Variants in ZNF616 observed in about 807,000 individuals in gnomAD.
The protein encoded by ZNF616 is zinc finger protein 616.
In ZNF616, 5 loss-of-function variants were observed where a neutral mutation model predicts 7.6. That is an observed-to-expected ratio of 0.66 (90% CI 0.34 to 1.38). The LOEUF (loss-of-function observed/expected upper bound fraction) is 1.38, where lower values mean the gene tolerates loss of function less well. Among genes scored for constraint, ZNF616 ranks in the 40% most tolerant of loss-of-function variants. The pLI is 0.04. For missense variants in ZNF616, 913 were observed against 948.3 expected, an observed-to-expected ratio of 0.96 and a Z score of 0.49; for synonymous variants, 319 against 317.2, an observed-to-expected ratio of 1.01 and a Z score of -0.06.
chr19:52,130,623 A>AAAC, intron 1 of ZNF616, 35 bp from the exon 2 acceptor site: 1 of 1,474,534 alleles, frequency 6.8e-7, no homozygotes, highest in Non-Finnish European at 9.2e-7. Flanking sequence ...TAATGCTTGG[A>AAAC]AACAACACAT....
rs2088792376 is a variant in ZNF616, at chr19:52,113,972, A to G, written c.*846T>C. On this transcript the variant is annotated 3_prime_UTR_variant, in exon 4 of 4. Coordinates refer to ENST00000600228, the MANE Select transcript of ZNF616 (RefSeq NM_178523.5). ...ACTCTTTCCATTTTGATGTTCGGGT[A>G]AAAACCTTAGCATGCACATTACATT... is the stretch of plus-strand genomic sequence containing the variant. 6.6e-6 allele frequency: 1 copy of G among 152,188 alleles called. No individual in the cohort carries two copies. The highest frequency in any genetic ancestry group is 2.1e-4 in the South Asian group (1 of 4,830). The allele number at this position is 152,188 out of a possible 1,614,324, so 9.4% of individuals were successfully genotyped here.
Position 52,115,891 on chromosome 19 carries a change from C to A in ZNF616, c.1273G>T (p.Ala425Ser). 1 of 1,614,112 alleles carries A rather than the reference C, an allele frequency of 6.2e-7. No homozygotes were observed. The highest frequency in any genetic ancestry group is 1.1e-5 in the South Asian group (1 of 91,078). ...CCAGTATGAATTCTCTGATGCACTG[C>A]AAGACTTGAACGTTTACTGAAGACC... is the stretch of plus-strand genomic sequence containing the variant. ...GKVFSKRSSLAVHQRIHTGQK... is the reference protein window; with the variant it reads ...GKVFSKRSSLSVHQRIHTGQK... The change falls in exon 4 of 4, where the codon GCA becomes TCA. Residue 425 changes from alanine (A) to serine (S), a missense_variant. Physicochemically the swap from Ala to Ser is moderately conservative, Grantham distance 99 (BLOSUM62 1). Coordinates refer to ENST00000600228, the MANE Select transcript of ZNF616 (RefSeq NM_178523.5).
chr19:52,126,461 G>C (rs1206870417), intron 2 of ZNF616, among the ~76,000 whole-genome samples: 1 of 152,148 alleles, frequency 6.6e-6, no homozygotes, highest in East Asian at 1.9e-4. Flanking sequence ...GTTGCAGTGA[G>C]CTGAGATCCC....
rs1376864118 is a variant in ZNF616 at position 52,131,233 on chromosome 19, A to C, written c.-76-645T>G. On this transcript the variant is annotated intron_variant, in intron 1 of 3. Transcript: ENST00000600228. ...CAGTGAGCCAAGATCAAGCCACTGC[A>C]CTCCAGCCTGGGCGACAGAGACTCT... is the stretch of plus-strand genomic sequence containing the variant. Among the ~76,000 whole-genome samples, 3 of 136,736 alleles carry C rather than the reference A, an allele frequency of 2.2e-5. No individual in the cohort carries two copies. In the Admixed American group the frequency reaches 2.5e-4, roughly 12 times the overall value. 89.7% of individuals were successfully genotyped at this position (136,736 alleles called of 152,430 possible).
Position 52,115,853 on chromosome 19 carries a change from G to GT in ZNF616, c.1310dup (p.Tyr437Ter). ...ACACCTTGCCACATTTATTGCATTT[G>GT]TAAGTTTTCTGTCCAGTATGAATTC... ...HQRIHTGQKT[Y>*]KCNKCGKVYS... The change falls in exon 4 of 4, where the codon TAC becomes TAAC. Residue 437 changes from tyrosine to a stop codon, truncating the protein, a stop_gained and frameshift_variant. Coordinates refer to ENST00000600228, the MANE Select transcript of ZNF616 (RefSeq NM_178523.5). LOFTEE classifies it low-confidence loss of function (END_TRUNC). 1.2e-6 allele frequency: 2 copies of GT among 1,614,022 alleles called. No homozygotes were observed. The highest frequency in any genetic ancestry group is 1.7e-6 in the Non-Finnish European group (2 of 1,179,986).
At chr19:52,125,961 AAACCTCTTCAAT>A (rs1184440472) in intron 2 of ZNF616, among the ~76,000 whole-genome samples, 1 of 152,202 alleles carries the variant, frequency 6.6e-6, no homozygotes, top group Non-Finnish European at 1.5e-5. Context: ...AGAAAGCAGC[AAACCTCTTCAAT>A]AGGGAGATGA....
At chr19:52,122,061 C>T (rs1416945843) in intron 3 of ZNF616, among the ~76,000 whole-genome samples, 2 of 147,802 alleles carry the variant, frequency 1.4e-5, no homozygotes, top group Admixed American at 6.7e-5. Context: ...GACTTGAAAG[C>T]AGACAGGAGA....
chr19:52,132,473 C>G (rs112125250), intron 1 of ZNF616, among the ~76,000 whole-genome samples: 1 of 152,034 alleles, frequency 6.6e-6, no homozygotes, highest in Non-Finnish European at 1.5e-5. Context: ...TAATCCCCAC[C>G]GTTACTGGTG....
At chr19:52,137,200 T>C (rs2089018775) in intron 1 of ZNF616, among the ~76,000 whole-genome samples, 3 of 151,238 alleles carry the variant, frequency 2.0e-5, no homozygotes. Flanking sequence ...GGGTGGATCA[T>C]GAGGTCAGGA....
intron 1 of ZNF616, among the ~76,000 whole-genome samples, chr19:52,134,942 C>T (rs2088994888): frequency 6.6e-6 from 1 of 152,160 alleles, no homozygotes; most frequent in Non-Finnish European, 1.5e-5. Context: ...GTAATCACCA[C>T]TGTCCTGGCA....
intron 3 of ZNF616, among the ~76,000 whole-genome samples, chr19:52,123,198 A>T (rs2088877631): frequency 6.6e-6 from 1 of 152,244 alleles, no homozygotes; most frequent in African/African-American, 2.4e-5. Context: ...TAAATAAATA[A>T]AAACAAAGTT....
rs146062154 is a variant in ZNF616 at position 52,114,769 on chromosome 19, A to G, written c.*49T>C. On this transcript the variant is annotated 3_prime_UTR_variant, in exon 4 of 4. Coordinates refer to ENST00000600228, the MANE Select transcript of ZNF616 (RefSeq NM_178523.5). Reference sequence around the variant, plus strand: ...AAGAGAAGGGGTAAATATACAAGGTATATCAGTAAGTAGGAATTATTCGGT... The same window carrying G: ...AAGAGAAGGGGTAAATATACAAGGTGTATCAGTAAGTAGGAATTATTCGGT... The G allele has an allele frequency of 1.9e-4, 292 of 1,522,602 alleles. 1 individual carries two copies. In the African/African-American group the frequency reaches 3.2e-3, roughly 16 times the overall value. The allele number at this position is 1,522,602 out of a possible 1,614,324, so 94.3% of individuals were successfully genotyped here.
rs759732762 is a variant in ZNF616, at chr19:52,116,844, T to C, written c.320A>G (p.Asn107Ser). The change falls in exon 4 of 4, where the codon AAT becomes AGT. Residue 107 changes from asparagine to serine, a missense_variant. Asn to Ser is a conservative substitution (Grantham distance 46, BLOSUM62 1). Coordinates refer to ENST00000600228, the MANE Select transcript of ZNF616 (RefSeq NM_178523.5). The part of the protein sequence containing the change: ...LEFQWKDGET[N>S]DKEVPVPHEN... Reference sequence around the variant, plus strand: ...ATGGGGCACTGGCACTTCTTTATCATTTGTTTCACCATCTTTCCATTGAAA... The same window carrying C: ...ATGGGGCACTGGCACTTCTTTATCACTTGTTTCACCATCTTTCCATTGAAA... The C allele has an allele frequency of 4.3e-6, 7 of 1,613,892 alleles. No individual in the cohort carries two copies. In the South Asian group the frequency reaches 6.6e-5, roughly 15 times the overall value.
chr19:52,139,532 G>T lies in ZNF616; in HGVS notation c.-77+200C>A, dbSNP rs2089040570. Among the ~76,000 whole-genome samples the T allele has an allele frequency of 6.6e-6, 1 of 152,148 alleles. No homozygotes were observed. The highest frequency in any genetic ancestry group is 6.5e-5 in the Admixed American group (1 of 15,276). Reference sequence around the variant, plus strand: ...GGCGTCGACAAGGGCGAAGCTCGGGGGTCTCGACTGGTGGGAATCCACCTC... The same window carrying T: ...GGCGTCGACAAGGGCGAAGCTCGGGTGTCTCGACTGGTGGGAATCCACCTC... On this transcript the variant is annotated intron_variant, in intron 1 of 3. Transcript: ENST00000600228. This position sits in a 1 kb window ranked among gnomAD's most constrained non-coding sequence, Gnocchi z 4.1.
At position 52,115,216 on chromosome 19, in the gene ZNF616, G is replaced by A; in HGVS notation, c.1948C>T (p.Leu650Phe). The A allele has an allele frequency of 6.2e-7, 1 of 1,614,152 alleles. No individual in the cohort carries two copies. Among genetic ancestry groups the A allele is most frequent in the Non-Finnish European group, 8.5e-7 (1 of 1,180,022 alleles). Residue 650 changes from leucine to phenylalanine, a missense_variant, in exon 4 of 4, where the codon CTT (leucine) becomes TTT (phenylalanine). Transcript: ENST00000600228. ...NSFSQRVHLR[L>F]HQTVHTGDRP... ...TCTCCAGTATGAACAGTCTGATGAA[G>A]TCTAAGATGGACACGCTGACTAAAG...
rs1045852 is a variant in ZNF616, at chr19:52,115,461, C to T, written c.1703G>A (p.Arg568Gln). 157 of 1,613,910 alleles carry T rather than the reference C, an allele frequency of 9.7e-5. No individual in the cohort carries two copies. Among genetic ancestry groups the T allele is most frequent in the Admixed American group, 1.3e-4 (8 of 59,996 alleles). ...FSQCSRLTVHRRIHSGEKPYK... is the reference protein window; with the variant it reads ...FSQCSRLTVHQRIHSGEKPYK... Reference sequence around the variant, plus strand: ...AGGTTTCTCTCCACTATGAATTCTCCGATGCACTGTAAGACGTGAACATTG... The same window carrying T: ...AGGTTTCTCTCCACTATGAATTCTCTGATGCACTGTAAGACGTGAACATTG... Residue 568 changes from arginine to glutamine, a missense_variant, in exon 4 of 4, where the codon CGG (arginine) becomes CAG (glutamine). Physicochemically the swap from Arg to Gln is conservative, Grantham distance 43. Coordinates refer to ENST00000600228, the MANE Select transcript of ZNF616 (RefSeq NM_178523.5).
chr19:52,121,211 C>A (rs929525213), intron 3 of ZNF616, among the ~76,000 whole-genome samples: 1 of 152,164 alleles, frequency 6.6e-6, no homozygotes, highest in Non-Finnish European at 1.5e-5. Context: ...CACGCCACCA[C>A]GCCCAGCTAA....
rs760725288 is a variant in ZNF616, at chr19:52,115,345, A to T, written c.1819T>A (p.Cys607Ser). The change falls in exon 4 of 4, where the codon TGT becomes AGT. Residue 607 changes from cysteine (C) to serine (S), a missense_variant. By Grantham distance (112) the Cys-to-Ser change is moderately radical (BLOSUM62 -1). Coordinates refer to ENST00000600228, the MANE Select transcript of ZNF616 (RefSeq NM_178523.5). Reference protein sequence around the residue: ...RVHTGEKPYKCHECGKAFNQG... With the variant: ...RVHTGEKPYKSHECGKAFNQG... ...TTAAAGGCTTTGCCACATTCATGAC[A>T]TTTGTATGGTTTCTCTCCAGTATGA... 6.8e-6 allele frequency: 11 copies of T among 1,614,118 alleles called. No homozygotes were observed. In the South Asian group the frequency reaches 1.2e-4, roughly 18 times the overall value.
intron 2 of ZNF616, among the ~76,000 whole-genome samples, chr19:52,128,432 G>A (rs2088928427): frequency 6.6e-6 from 1 of 151,882 alleles, no homozygotes; most frequent in Non-Finnish European, 1.5e-5. Context: ...CTTTTCTTAG[G>A]TTATAAATTT....
Sources: gnomAD v4.1 joint callset for allele counts (sites outside exome capture counted in the v4.1 genomes callset) on GRCh38, gnomAD v4.1.1 for gene constraint, Gnocchi (gnomAD v3.1) non-coding constraint, MANE v1.5 for transcripts, NCBI Gene and HGNC (gene_info 2026-07-23, HGNC 2026-07-21) for gene names.